The following MTHFD2L variants were observed in gnomAD, a reference collection of about 807,000 sequenced individuals.
MTHFD2L encodes the protein bifunctional methylenetetrahydrofolate dehydrogenase/cyclohydrolase 2, mitochondrial.
In MTHFD2L, 29 loss-of-function variants were observed where a neutral mutation model predicts 34.9. That is an observed-to-expected ratio of 0.83 (90% CI 0.62 to 1.13). The LOEUF is 1.13. Among genes scored for constraint, MTHFD2L ranks in the 50% most tolerant of loss-of-function variants. The probability of loss-of-function intolerance (pLI) is 0.00; values close to 1 mark genes in which losing one functional copy is unlikely to be tolerated. For synonymous variants in MTHFD2L, 167 were observed against 155.7 expected (o/e 1.07, Z -0.54); for missense variants, 481 against 446.5 (o/e 1.08, Z -0.70).
chr4:74,148,422 C>T (rs1331858929), intron 1 of MTHFD2L, among the ~76,000 whole-genome samples: 2 of 148,950 alleles, frequency 1.3e-5, no homozygotes, highest in African/African-American at 5.0e-5. Flanking sequence ...GAGTTTTGCT[C>T]TGTTGCCCAG....
chr4:74,137,030 G>A (rs1318382084), intron 1 of MTHFD2L, among the ~76,000 whole-genome samples: 1 of 152,134 alleles, frequency 6.6e-6, no homozygotes, highest in Admixed American at 6.5e-5. Context: ...ATAAAACTCT[G>A]AGGAAATACT....
chr4:74,275,405 A>AT (rs1746483817), intron 6 of MTHFD2L, among the ~76,000 whole-genome samples: 2 of 152,182 alleles, frequency 1.3e-5, no homozygotes, highest in African/African-American at 4.8e-5. Context: ...TGCGATAAAT[A>AT]TATGTGTGCA....
chr4:74,229,601 A>C, intron 6 of MTHFD2L, among the ~76,000 whole-genome samples: 1 of 152,142 alleles, frequency 6.6e-6, no homozygotes, highest in Non-Finnish European at 1.5e-5. Flanking sequence ...AAAAGAGGAA[A>C]TCCTGTGTGA....
chr4:74,204,093 C>T (rs1734907980), intron 5 of MTHFD2L, among the ~76,000 whole-genome samples: 1 of 152,048 alleles, frequency 6.6e-6, no homozygotes, highest in African/African-American at 2.4e-5. Flanking sequence ...TCATCTAAGG[C>T]CATGCAAGGA....
intron 2 of MTHFD2L, among the ~76,000 whole-genome samples, chr4:74,118,110 T>C (rs147667653): frequency 6.6e-6 from 1 of 152,324 alleles, no homozygotes; most frequent in East Asian, 1.9e-4. Flanking sequence ...TATGAAATTA[T>C]GAATAACACT....
At chr4:74,274,579 A>G (rs989660948) in intron 6 of MTHFD2L, among the ~76,000 whole-genome samples, 1 of 152,212 alleles carries the variant, frequency 6.6e-6, no homozygotes, top group African/African-American at 2.4e-5. Context: ...AGATTATTGA[A>G]TGCTGGTTCC....
At position 74,214,265 on chromosome 4, in the gene MTHFD2L, G is replaced by A. The variant is rs761466643; in HGVS notation, c.713-11037G>A. ...TTTGTTCCCTTGGTGGTGAGGAATTGTGATCCTTTGGAGTAGAAGAGGCGT... is the reference window on the plus strand; with the variant it reads ...TTTGTTCCCTTGGTGGTGAGGAATTATGATCCTTTGGAGTAGAAGAGGCGT... On this transcript the variant is annotated intron_variant, in intron 5 of 7. Coordinates refer to ENST00000325278, the MANE Select transcript of MTHFD2L (RefSeq NM_001144978.3). 5.9e-5 allele frequency among the ~76,000 whole-genome samples: 9 copies of A among 151,938 alleles called. No individual in the cohort carries two copies. In the Middle Eastern group the frequency reaches 0.014, roughly 230 times the overall value.
At chr4:74,135,521 T>C (rs1423045973) in intron 1 of MTHFD2L, among the ~76,000 whole-genome samples, 1 of 152,136 alleles carries the variant, frequency 6.6e-6, no homozygotes, top group East Asian at 1.9e-4. Context: ...AAGTCTCCCA[T>C]CAAAGAAAAG....
At chr4:74,185,704 T>G (rs892694467) in intron 3 of MTHFD2L, among the ~76,000 whole-genome samples, 1 of 152,190 alleles carries the variant, frequency 6.6e-6, no homozygotes, top group African/African-American at 2.4e-5. Flanking sequence ...TTGAAAGATA[T>G]ACATTACCAA....
chr4:74,165,982 A>G (rs931856134), intron 1 of MTHFD2L, among the ~76,000 whole-genome samples: 1 of 152,234 alleles, frequency 6.6e-6, no homozygotes, highest in Admixed American at 6.5e-5. Flanking sequence ...GGGGAAAATT[A>G]AAGTTTTTCT....
intron 7 of MTHFD2L, among the ~76,000 whole-genome samples, chr4:74,296,851 A>T (rs1373621326): frequency 6.6e-6 from 1 of 152,090 alleles, no homozygotes; most frequent in African/African-American, 2.4e-5. Flanking sequence ...ATGAATGAAC[A>T]GTTAACTTAG....
chr4:74,143,162 C>T (rs1723379941), intron 1 of MTHFD2L, among the ~76,000 whole-genome samples: 1 of 152,030 alleles, frequency 6.6e-6, no homozygotes, highest in Non-Finnish European at 1.5e-5. Context: ...AAAAAACAAG[C>T]ATCAACAGGG....
Position 74,287,411 on chromosome 4 carries a change from T to A in MTHFD2L, c.931+5861T>A, listed in dbSNP as rs533891772. On this transcript the variant is annotated intron_variant, in intron 7 of 7. Transcript: ENST00000325278. ...TTTAAGTATTATACTTGAGTATAGGTGAAGGACTATAACAAAGGGGAACCA... is the reference window on the plus strand; with the variant it reads ...TTTAAGTATTATACTTGAGTATAGGAGAAGGACTATAACAAAGGGGAACCA... Among the ~76,000 whole-genome samples, 11 of 152,242 alleles carry A rather than the reference T, an allele frequency of 7.2e-5. No homozygotes were observed. In the East Asian group the frequency reaches 2.1e-3, roughly 29 times the overall value.
chr4:74,189,348 A>T (rs1428660931), intron 3 of MTHFD2L, among the ~76,000 whole-genome samples: 1 of 152,124 alleles, frequency 6.6e-6, no homozygotes, highest in Non-Finnish European at 1.5e-5. Context: ...TATCCAACTT[A>T]AAAAGAAAAA....
At position 74,222,544 on chromosome 4, in the gene MTHFD2L, A is replaced by C. The variant is rs375295605; in HGVS notation, c.713-2758A>C. Reference sequence around the variant, plus strand: ...GGTTCCACCTCTTAATATTGTTACAATTGCAATTCCATTTCAACATAAGTT... The same window carrying C: ...GGTTCCACCTCTTAATATTGTTACACTTGCAATTCCATTTCAACATAAGTT... On this transcript the variant is annotated intron_variant, in intron 5 of 7. Coordinates refer to ENST00000325278, the MANE Select transcript of MTHFD2L (RefSeq NM_001144978.3). 6.6e-5 allele frequency among the ~76,000 whole-genome samples: 10 copies of C among 152,208 alleles called. No homozygotes were observed. The South Asian group carries it at 2.1e-3, about 32-fold the overall frequency.
chr4:74,133,537 T>G (rs529196648), intron 1 of MTHFD2L, among the ~76,000 whole-genome samples: 1 of 152,284 alleles, frequency 6.6e-6, no homozygotes, highest in Non-Finnish European at 1.5e-5. Context: ...TTGGACTGTA[T>G]TTTCTTAATA....
At chr4:74,231,378 G>A (rs1740031458) in intron 6 of MTHFD2L, among the ~76,000 whole-genome samples, 1 of 152,122 alleles carries the variant, frequency 6.6e-6, no homozygotes, top group Non-Finnish European at 1.5e-5. Context: ...GGTGGGGCAA[G>A]GAAATAGCTC....
intron 7 of MTHFD2L, among the ~76,000 whole-genome samples, chr4:74,285,805 C>T (rs916040001): frequency 6.6e-6 from 1 of 152,054 alleles, no homozygotes; most frequent in Non-Finnish European, 1.5e-5. Flanking sequence ...TTCTCTGTGT[C>T]TAATTAAATC....
chr4:74,145,274 A>G (rs1723525170), intron 1 of MTHFD2L, among the ~76,000 whole-genome samples: 1 of 152,238 alleles, frequency 6.6e-6, no homozygotes, highest in African/African-American at 2.4e-5. Flanking sequence ...ACAAATAAAA[A>G]ATACTGTACA....
Sources: allele counts gnomAD v4.1 joint callset (sites outside exome capture counted in the v4.1 genomes callset), GRCh38; gene constraint gnomAD v4.1.1; transcripts MANE v1.5; gene names NCBI Gene and HGNC (gene_info 2026-07-23, HGNC 2026-07-21).